Variants in FILIP1L observed in about 807,000 individuals in gnomAD.
FILIP1L encodes filamin A interacting protein 1 like, also known as filamin A-interacting protein 1-like.
A neutral mutation model predicts 96.6 loss-of-function variants in FILIP1L; 55 were observed. The observed-to-expected ratio is 0.57, with a 90% CI of 0.46 to 0.71. FILIP1L has a LOEUF of 0.71. FILIP1L is among the 30% of genes least tolerant of loss of function. FILIP1L has a pLI of 0.00. For synonymous variants in FILIP1L, 467 were observed against 473.9 expected (o/e 0.99, Z 0.19); for missense variants, 1,304 against 1,321.2 (o/e 0.99, Z 0.20).
intron 1 of FILIP1L, among the ~76,000 whole-genome samples, chr3:99,945,598 A>G (rs1171266818): frequency 6.6e-6 from 1 of 152,198 alleles, no homozygotes; most frequent in African/African-American, 2.4e-5. Flanking sequence ...TGTTTTAGCA[A>G]TGATTATGAA....
chr3:99,938,501 T>G (rs1401243669), intron 1 of FILIP1L, among the ~76,000 whole-genome samples: 1 of 152,198 alleles, frequency 6.6e-6, no homozygotes, highest in African/African-American at 2.4e-5. Flanking sequence ...TAAATTTGAA[T>G]ATATTTAACA....
intron 1 of FILIP1L, among the ~76,000 whole-genome samples, chr3:99,933,187 C>T (rs1049814245): frequency 4.6e-5 from 7 of 152,168 alleles, no homozygotes; most frequent in African/African-American, 1.7e-4. Flanking sequence ...TGTCATTATG[C>T]TGTATTGCCT....
At chr3:99,858,104 A>G (rs2107546845) in intron 4 of FILIP1L, among the ~76,000 whole-genome samples, 1 of 152,292 alleles carries the variant, frequency 6.6e-6, no homozygotes, top group Middle Eastern at 3.4e-3. Flanking sequence ...AGGACCCTAA[A>G]GAGCTTTTGA....
chr3:99,952,584 A>G (rs1437628422), intron 1 of FILIP1L, among the ~76,000 whole-genome samples: 1 of 152,276 alleles, frequency 6.6e-6, no homozygotes, highest in East Asian at 1.9e-4. Context: ...GTGCTAGAAA[A>G]CACTATGCTT....
At chr3:99,844,393 T>G (rs1943269859) in intron 5 of FILIP1L, among the ~76,000 whole-genome samples, 1 of 152,152 alleles carries the variant, frequency 6.6e-6, no homozygotes, top group African/African-American at 2.4e-5. Flanking sequence ...ATCTTTTCTC[T>G]TGGGATTACA....
chr3:99,976,120 G>A (rs1237197959), intron 1 of FILIP1L, among the ~76,000 whole-genome samples: 3 of 152,006 alleles, frequency 2.0e-5, no homozygotes, highest in African/African-American at 7.2e-5. Context: ...TTTGACCTCA[G>A]GTGGTTCGCC....
intron 4 of FILIP1L, among the ~76,000 whole-genome samples, chr3:99,889,849 C>G (rs1012704746): frequency 6.6e-6 from 1 of 151,966 alleles, no homozygotes; most frequent in African/African-American, 2.4e-5. Context: ...TCTGAGCATA[C>G]CCTCCCAGTT....
At chr3:99,872,118 C>T (rs1403762982) in intron 4 of FILIP1L, among the ~76,000 whole-genome samples, 1 of 152,104 alleles carries the variant, frequency 6.6e-6, no homozygotes, top group African/African-American at 2.4e-5. Context: ...CCCAAGAATG[C>T]AGGGGGCCCT....
intron 1 of FILIP1L, among the ~76,000 whole-genome samples, chr3:100,017,705 C>A (rs992200821): frequency 6.6e-6 from 1 of 150,608 alleles, no homozygotes; most frequent in East Asian, 2.0e-4. Context: ...GGGGAGGATC[C>A]CTTGAGCCCA....
chr3:99,940,461 G>T (rs1404562270), intron 1 of FILIP1L, among the ~76,000 whole-genome samples: 2 of 152,102 alleles, frequency 1.3e-5, no homozygotes, highest in Non-Finnish European at 2.9e-5. Context: ...TGTCCGTTTG[G>T]ACCTTGGAGC....
At chr3:99,920,512 C>T (rs909905739) in intron 4 of FILIP1L, among the ~76,000 whole-genome samples, 5 of 152,216 alleles carry the variant, frequency 3.3e-5, no homozygotes, top group African/African-American at 1.2e-4. Flanking sequence ...TGGTGACACA[C>T]GTATCCACAT....
chr3:99,880,845 G>A (rs1705701153), intron 4 of FILIP1L, among the ~76,000 whole-genome samples: 1 of 152,060 alleles, frequency 6.6e-6, no homozygotes, highest in African/African-American at 2.4e-5. Context: ...CATTTATAAA[G>A]CATCATTTTC....
intron 4 of FILIP1L, among the ~76,000 whole-genome samples, chr3:99,881,243 T>A (rs1003167726): frequency 2.6e-5 from 4 of 152,216 alleles, no homozygotes; most frequent in African/African-American, 9.7e-5. Flanking sequence ...CACTGTAAGA[T>A]TATTAAATGG....
chr3:99,930,494 A>T (rs1452593186), intron 2 of FILIP1L, among the ~76,000 whole-genome samples: 1 of 152,168 alleles, frequency 6.6e-6, no homozygotes, highest in South Asian at 2.1e-4. Context: ...CTACTGATGC[A>T]TGCATGTGCA....
chr3:100,050,187 T>C (rs2107315499), intron 1 of FILIP1L, among the ~76,000 whole-genome samples: 1 of 152,290 alleles, frequency 6.6e-6, no homozygotes, highest in Admixed American at 6.5e-5. Flanking sequence ...GGTAGATCAG[T>C]TTCATAGATC....
intron 1 of FILIP1L, among the ~76,000 whole-genome samples, chr3:100,054,375 A>G (rs1040725896): frequency 2.0e-5 from 3 of 152,174 alleles, no homozygotes; most frequent in East Asian, 3.8e-4. Context: ...ACCTAGGCCT[A>G]CATTCTTGTA....
At chr3:99,869,913 T>G (rs1944705050) in intron 4 of FILIP1L, among the ~76,000 whole-genome samples, 1 of 152,164 alleles carries the variant, frequency 6.6e-6, no homozygotes, top group East Asian at 1.9e-4. Flanking sequence ...ACCTCAGCCT[T>G]GAGGCTGCTT....
intron 1 of FILIP1L, among the ~76,000 whole-genome samples, chr3:100,084,325 C>T (rs1410990884): frequency 6.6e-6 from 1 of 152,068 alleles, no homozygotes; most frequent in Non-Finnish European, 1.5e-5. Flanking sequence ...TTTCATGCTA[C>T]CCACATAAAA....
At chr3:99,981,279 C>A (rs543597094) in intron 1 of FILIP1L, among the ~76,000 whole-genome samples, 4 of 152,278 alleles carry the variant, frequency 2.6e-5, no homozygotes, top group African/African-American at 9.6e-5. Context: ...CTGGCAAACT[C>A]CTACTTAATC....
Sources: gnomAD v4.1 joint callset for allele counts (sites outside exome capture counted in the v4.1 genomes callset) on GRCh38, gnomAD v4.1.1 for gene constraint, MANE v1.5 for transcripts, NCBI Gene and HGNC (gene_info 2026-07-23, HGNC 2026-07-21) for gene names.